The following STK32A variants were observed in gnomAD, a reference collection of about 807,000 sequenced individuals.
STK32A encodes the protein serine/threonine kinase 32A.
STK32A carries 41 observed loss-of-function variants against 53.2 expected under a neutral mutation model. The observed-to-expected ratio is 0.77, with a 90% CI of 0.60 to 1.00. The LOEUF (loss-of-function observed/expected upper bound fraction) is 1.00. Ranked by LOEUF, STK32A falls within the 50% of genes least tolerant of loss-of-function variation. The pLI, the probability that STK32A is intolerant of heterozygous loss-of-function variation, is 0.00. For missense variants in STK32A, 458 were observed against 485.8 expected (o/e 0.94, Z 0.54); for synonymous variants, 166 against 162.8 (o/e 1.02, Z -0.15).
chr5:147,349,893 C>T (rs764879961), intron 6 of STK32A, among the ~76,000 whole-genome samples: 5 of 152,002 alleles, frequency 3.3e-5, no homozygotes, highest in East Asian at 1.9e-4. Flanking sequence ...AAGCAGATCA[C>T]GAGGTCAAGA....
At chr5:147,267,432 C>T (rs1055101221) in intron 2 of STK32A, among the ~76,000 whole-genome samples, 3 of 152,080 alleles carry the variant, frequency 2.0e-5, no homozygotes, top group African/African-American at 7.2e-5. Context: ...CAAACCCTGA[C>T]CCTGGGTAAT....
At chr5:147,252,244 C>T (rs1485424733) in intron 2 of STK32A, among the ~76,000 whole-genome samples, 1 of 147,604 alleles carries the variant, frequency 6.8e-6, no homozygotes, top group Non-Finnish European at 1.5e-5. Context: ...AATATGATAC[C>T]TTGTGGGATA....
intron 2 of STK32A, among the ~76,000 whole-genome samples, chr5:147,270,119 T>G (rs1170850829): frequency 2.0e-5 from 3 of 152,132 alleles, no homozygotes; most frequent in Admixed American, 2.0e-4. Flanking sequence ...TTAACAATCT[T>G]GAAGTTTAAA....
intron 6 of STK32A, among the ~76,000 whole-genome samples, chr5:147,349,381 C>G (rs1302936386): frequency 6.6e-6 from 1 of 152,220 alleles, no homozygotes; most frequent in African/African-American, 2.4e-5. Context: ...CTGGAAGAAT[C>G]TGATGACATG....
At chr5:147,335,985 T>C (rs1159577458) in intron 5 of STK32A, among the ~76,000 whole-genome samples, 2 of 152,164 alleles carry the variant, frequency 1.3e-5, no homozygotes, top group Non-Finnish European at 2.9e-5. Context: ...CCTTGGTCAT[T>C]TGACTACAGA....
At chr5:147,355,692 G>T (rs183345737) in intron 7 of STK32A, among the ~76,000 whole-genome samples, 1 of 149,692 alleles carries the variant, frequency 6.7e-6, no homozygotes, top group Non-Finnish European at 1.5e-5. Context: ...AAAATAAAAT[G>T]AATAAAATAA....
intron 2 of STK32A, among the ~76,000 whole-genome samples, chr5:147,269,431 T>C (rs1292611188): frequency 6.6e-6 from 1 of 152,162 alleles, no homozygotes; most frequent in Admixed American, 6.5e-5. Flanking sequence ...CTTTCAGCTA[T>C]ACTGAGACAG....
At chr5:147,239,469 G>A (rs535343478) in intron 1 of STK32A, 70 bp from the exon 2 acceptor site, 35 of 538,744 alleles carry the variant, frequency 6.5e-5, no homozygotes, top group South Asian at 3.3e-4. Flanking sequence ...TTATGTTTCC[G>A]CCACAGTCTA....
At chr5:147,400,599 G>T in the STK32A span, 3 of 1,500,422 alleles carry the variant, frequency 2.0e-6, no homozygotes, top group East Asian at 2.3e-5. Flanking sequence ...ATCTGCACTC[G>T]CAGTGTCACC....
chr5:147,274,458 C>T (rs73794373), intron 2 of STK32A, among the ~76,000 whole-genome samples: 450 of 152,298 alleles, frequency 3.0e-3, no homozygotes, highest in African/African-American at 0.01. Flanking sequence ...AAGTAAAAGA[C>T]TCAAGAAGTA....
At chr5:147,353,261 G>A (rs1194028335) in intron 7 of STK32A, among the ~76,000 whole-genome samples, 1 of 152,226 alleles carries the variant, frequency 6.6e-6, no homozygotes, top group Non-Finnish European at 1.5e-5. Flanking sequence ...GCCCAGCAGG[G>A]TGAGTGAAGG....
Position 147,294,002 on chromosome 5 carries a change from G to A in STK32A, c.260+14604G>A, listed in dbSNP as rs892159155. 2.6e-5 allele frequency among the ~76,000 whole-genome samples: 4 copies of A among 152,082 alleles called. 1 individual carries two copies. Among genetic ancestry groups the A allele is most frequent in the Non-Finnish European group, 4.4e-5 (3 of 68,008 alleles). ...ATCTCAGTCAGCTTTGACTGCAGAA[G>A]ATAAGATTTTCATAAATCTTTTATA... On this transcript the variant is annotated intron_variant, in intron 4 of 12. Coordinates refer to ENST00000397936, the MANE Select transcript of STK32A (RefSeq NM_001112724.2).
chr5:147,309,425 G>A (rs906427383), intron 4 of STK32A, among the ~76,000 whole-genome samples: 3 of 152,146 alleles, frequency 2.0e-5, no homozygotes, highest in African/African-American at 7.2e-5. Context: ...ATCCATTTGA[G>A]ACTTGTAGTT....
At chr5:147,350,054 T>C (rs926087964) in intron 6 of STK32A, among the ~76,000 whole-genome samples, 1 of 150,872 alleles carries the variant, frequency 6.6e-6, no homozygotes, top group Non-Finnish European at 1.5e-5. Flanking sequence ...GAGATTGCAG[T>C]GAGCCGAGAG....
rs1757602808 is a variant in STK32A, at chr5:147,385,201, C to G, written c.*1218C>G. Reference sequence around the variant, plus strand: ...TGTCACCCAGGCTGGAGTGCAGTGGCATGATCTCTGCTCACTACATCTGCC... The same window carrying G: ...TGTCACCCAGGCTGGAGTGCAGTGGGATGATCTCTGCTCACTACATCTGCC... On this transcript the variant is annotated 3_prime_UTR_variant, in exon 13 of 13. Transcript: ENST00000397936. 6.6e-6 allele frequency: 1 copy of G among 152,178 alleles called. No individual in the cohort carries two copies. The highest frequency in any genetic ancestry group is 6.5e-5 in the Admixed American group (1 of 15,272). The allele number at this position is 152,178 out of a possible 1,614,324, so 9.4% of individuals were successfully genotyped here. A position where few individuals can be genotyped will look rare whatever the true frequency, so the allele number is the denominator to read the frequency against.
intron 4 of STK32A, among the ~76,000 whole-genome samples, chr5:147,286,254 T>C (rs1321959991): frequency 6.6e-6 from 1 of 150,412 alleles, no homozygotes; most frequent in African/African-American, 2.5e-5. Flanking sequence ...AATGATACAA[T>C]GGACTTTGGA....
At chr5:147,393,649 C>T in the STK32A span, 1 of 200,194 alleles carries the variant, frequency 5.0e-6, no homozygotes, top group East Asian at 1.2e-4. Flanking sequence ...TCCCACCACC[C>T]ACTCACCCCA....
intron 2 of STK32A, among the ~76,000 whole-genome samples, chr5:147,277,459 A>G (rs1751812350): frequency 6.6e-6 from 1 of 152,168 alleles, no homozygotes; most frequent in Non-Finnish European, 1.5e-5. Flanking sequence ...CTCTACTTCA[A>G]AGCAAAATTC....
intron 5 of STK32A, among the ~76,000 whole-genome samples, chr5:147,330,243 G>A (rs758014356): frequency 6.6e-5 from 10 of 152,166 alleles, no homozygotes; most frequent in Non-Finnish European, 1.3e-4. Context: ...ATGTTGGCAG[G>A]AGGTATTTCC....
Sources: allele counts gnomAD v4.1 joint callset (sites outside exome capture counted in the v4.1 genomes callset), GRCh38; gene constraint gnomAD v4.1.1; transcripts MANE v1.5; gene names NCBI Gene and HGNC (gene_info 2026-07-23, HGNC 2026-07-21).